The following EFHC1 variants were observed in gnomAD, a reference collection of about 807,000 sequenced individuals.
EFHC1 encodes EF-hand domain-containing protein 1.
Under a neutral mutation model 69.9 loss-of-function variants are expected in EFHC1, and 53 were observed. That is an observed-to-expected ratio of 0.76 (90% CI 0.61 to 0.95). The LOEUF is 0.95. Among genes scored for constraint, EFHC1 ranks in the 40% least tolerant of loss-of-function variants. The pLI, the probability that EFHC1 is intolerant of heterozygous loss-of-function variation, is 0.00. For synonymous variants in EFHC1, 256 were observed against 278.4 expected, an observed-to-expected ratio of 0.92 and a Z score of 0.80; for missense variants, 739 against 798.7, an observed-to-expected ratio of 0.93 and a Z score of 0.90.
chr6:52,457,211 A>G (rs1765063893), intron 5 of EFHC1, among the ~76,000 whole-genome samples: 1 of 152,224 alleles, frequency 6.6e-6, no homozygotes, highest in South Asian at 2.1e-4. Context: ...TAAAATACAC[A>G]AAGCTGTTAA....
chr6:52,420,991 A>C, intron 1 of EFHC1: 1 of 1,029,780 alleles, frequency 9.7e-7, no homozygotes. Flanking sequence ...TGAATCCTGT[A>C]CCCGGTAGTA....
At chr6:52,434,886 T>C (rs1764497011) in intron 2 of EFHC1, among the ~76,000 whole-genome samples, 1 of 148,202 alleles carries the variant, frequency 6.7e-6, no homozygotes, top group Admixed American at 6.7e-5. Flanking sequence ...CCTGAGACCA[T>C]ATATATATAT....
At chr6:52,440,715 C>T (rs1229027582) in intron 3 of EFHC1, among the ~76,000 whole-genome samples, 1 of 152,030 alleles carries the variant, frequency 6.6e-6, no homozygotes, top group African/African-American at 2.4e-5. Flanking sequence ...CACTACACTG[C>T]TTTCTACAAT....
At position 52,492,200 on chromosome 6, in the gene EFHC1, C is replaced by A. The variant is rs531845590; in HGVS notation, c.1852-70C>A. 10 of 1,340,872 alleles carry A rather than the reference C, an allele frequency of 7.5e-6. No individual in the cohort carries two copies. In the Admixed American group the frequency reaches 1.2e-4, roughly 16 times the overall value. 83.1% of individuals were successfully genotyped at this position (1,340,872 alleles called of 1,614,324 possible). ...AAGGCTCGGGATCATTATGCATAAG[C>A]GCACTCTGCAGTTGAGCTGACGGAA... On this transcript the variant is annotated intron_variant, in intron 10 of 10. Transcript: ENST00000371068.
intron 9 of EFHC1, chr6:52,482,616 C>T (rs1765704632): frequency 5.1e-6 from 2 of 390,510 alleles, no homozygotes; most frequent in Non-Finnish European, 9.0e-6. Flanking sequence ...ATTGGATCAA[C>T]TTCCAACATT....
intron 2 of EFHC1, among the ~76,000 whole-genome samples, chr6:52,433,530 G>A (rs538734718): frequency 5.3e-5 from 8 of 152,320 alleles, no homozygotes; most frequent in African/African-American, 1.2e-4. Flanking sequence ...GCTGTGAGCC[G>A]TCTGTGGGTC....
At chr6:52,483,161 A>G in intron 9 of EFHC1, 2 of 286,722 alleles carry the variant, frequency 7.0e-6, no homozygotes, top group South Asian at 1.7e-4. Context: ...GTCCTGACAG[A>G]TAAGTTTGTA....
chr6:52,451,258 G>T (rs1764911283), intron 3 of EFHC1, among the ~76,000 whole-genome samples: 1 of 152,162 alleles, frequency 6.6e-6, no homozygotes, highest in Non-Finnish European at 1.5e-5. Flanking sequence ...TGTGTGTTTT[G>T]TATTGGCTGG....
intron 9 of EFHC1, chr6:52,481,504 ATCTC>A (rs60540358): frequency 0.24 from 34,564 of 143,406 alleles, 4,285 homozygotes; most frequent in Admixed American, 0.37. Context: ...AGACTGCATG[ATCTC>A]TCTCTCTCTC....
chr6:52,484,251 A>G (rs1454203465), intron 9 of EFHC1: 1 of 152,162 alleles, frequency 6.6e-6, no homozygotes, highest in Non-Finnish European at 1.5e-5. Context: ...GTCTTGAGAC[A>G]CCTTTATACC....
At chr6:52,466,276 G>A (rs776221487) in intron 6 of EFHC1, among the ~76,000 whole-genome samples, 10 of 152,224 alleles carry the variant, frequency 6.6e-5, no homozygotes, top group South Asian at 2.1e-4. Context: ...CCCTTCCAGC[G>A]GCTGCTCCTC....
At chr6:52,490,021 C>G (rs1765863150) in intron 9 of EFHC1, 119 bp from the exon 10 acceptor site, 1 of 920,536 alleles carries the variant, frequency 1.1e-6, no homozygotes, top group Non-Finnish European at 1.7e-6. Context: ...TTGGTCAGCT[C>G]AGTCTCAAAG....
At position 52,438,250 on chromosome 6, in the gene EFHC1, G is replaced by T. The variant is rs539295; in HGVS notation, c.286-54G>T. On this transcript the variant is annotated intron_variant, in intron 2 of 10. Transcript: ENST00000371068. The stretch of plus-strand genomic sequence containing the variant: ...TCAGGAAGGTACTTGATATTTTTCA[G>T]ATGACTATGACAAGCTAATAGTACA... 58,657 of 1,550,502 alleles carry T rather than the reference G, an allele frequency of 0.038. 2,245 individuals carry two copies. Among genetic ancestry groups the T allele is most frequent in the African/African-American group, 0.2 (14,498 of 73,740 alleles).
intron 1 of EFHC1, among the ~76,000 whole-genome samples, chr6:52,421,831 A>G (rs1471906943): frequency 6.6e-6 from 1 of 152,210 alleles, no homozygotes; most frequent in Non-Finnish European, 1.5e-5. Context: ...CCTATACAGG[A>G]TGAGCTTAAG....
chr6:52,451,843 G>A (rs1764923350), intron 3 of EFHC1, among the ~76,000 whole-genome samples: 3 of 152,094 alleles, frequency 2.0e-5, no homozygotes, highest in Admixed American at 1.3e-4. Context: ...ATAACCAGTG[G>A]GTATGCTTTC....
In EFHC1 at chr6:52,494,601, CAG is replaced by C; in HGVS notation, c.*2261_*2262del. The C allele has an allele frequency of 2.2e-6, 1 of 454,070 alleles. No individual in the cohort carries two copies. Among genetic ancestry groups the C allele is most frequent in the South Asian group, 1.6e-5 (1 of 64,474 alleles). 28.1% of individuals were successfully genotyped at this position (454,070 alleles called of 1,614,324 possible). A position where few individuals can be genotyped will look rare whatever the true frequency, so the allele number is the denominator to read the frequency against. ...AGCACCTTTTCTCTCTTTTTGGATTCAGGGGGTACATGTGCAGGTTTGTTACA... is the reference window on the plus strand; with the variant it reads ...AGCACCTTTTCTCTCTTTTTGGATTCGGGGTACATGTGCAGGTTTGTTACA... On this transcript the variant is annotated 3_prime_UTR_variant, in exon 11 of 11. Coordinates refer to ENST00000371068, the MANE Select transcript of EFHC1 (RefSeq NM_018100.4).
chr6:52,478,039 A>G (rs1351974943), intron 7 of EFHC1, among the ~76,000 whole-genome samples: 1 of 152,284 alleles, frequency 6.6e-6, no homozygotes, highest in African/African-American at 2.4e-5. Flanking sequence ...ATGTCCAACA[A>G]TGATAGACTG....
intron 2 of EFHC1, 143 bp downstream of exon 2, chr6:52,424,310 C>G: frequency 1.3e-6 from 1 of 785,892 alleles, no homozygotes; most frequent in South Asian, 1.6e-5. Flanking sequence ...TAGTCATGGA[C>G]AGCTGAACTC....
intron 1 of EFHC1, chr6:52,423,655 T>TC: frequency 1.9e-6 from 1 of 527,676 alleles, no homozygotes; most frequent in Non-Finnish European, 3.2e-6. Flanking sequence ...CACACCCAGC[T>TC]AATTTTTTTT....
Sources: allele counts gnomAD v4.1 joint callset (sites outside exome capture counted in the v4.1 genomes callset), GRCh38; gene constraint gnomAD v4.1.1; transcripts MANE v1.5; gene names NCBI Gene and HGNC (gene_info 2026-07-23, HGNC 2026-07-21).